SUMF1: variants seen among roughly 807,000 people sequenced by gnomAD.
SUMF1 encodes the protein sulfatase modifying factor 1, also known as formylglycine-generating enzyme.
Under a neutral mutation model 47.6 loss-of-function variants are expected in SUMF1, and 48 were observed. The ratio of observed to expected loss-of-function variants is 1.01; its 90% CI spans 0.80 to 1.28. The LOEUF (loss-of-function observed/expected upper bound fraction) is 1.28, where lower values mean the gene tolerates loss of function less well. Among genes scored for constraint, SUMF1 ranks in the 50% most tolerant of loss-of-function variants. The pLI, the probability that SUMF1 is intolerant of heterozygous loss-of-function variation, is 0.00. For synonymous variants in SUMF1, 230 were observed against 192.1 expected (o/e 1.20, Z -1.63); for missense variants, 571 against 485.4 (o/e 1.18, Z -1.66).
chr3:4,036,790 C>G (rs922939763), intron 9 of SUMF1, among the ~76,000 whole-genome samples: 3 of 123,382 alleles, frequency 2.4e-5, no homozygotes, highest in African/African-American at 6.3e-5. Flanking sequence ...AATTTTAAAA[C>G]AAGACAGCAA....
intron 8 of SUMF1, among the ~76,000 whole-genome samples, chr3:4,070,911 G>A (rs1695506965): frequency 6.6e-6 from 1 of 152,110 alleles, no homozygotes; most frequent in Non-Finnish European, 1.5e-5. Context: ...GATTACAGAA[G>A]TGACCCACCG....
Position 4,216,852 on chromosome 3 carries a change from A to G in SUMF1, c.1015-148107T>C, listed in dbSNP as rs151158571. Among the ~76,000 whole-genome samples, 302 of 152,296 alleles carry G rather than the reference A, an allele frequency of 2.0e-3. 1 individual carries two copies. Among genetic ancestry groups the G allele is most frequent in the African/African-American group, 7.0e-3 (289 of 41,556 alleles). ...CCAGTTAGAATGGGGATCGTCAAAA[A>G]GTCAGGAAACAACAGATGTTGGAAA... is the stretch of plus-strand genomic sequence containing the variant. On this transcript the variant is annotated intron_variant and NMD_transcript_variant, in intron 8 of 12. Coordinates refer to the SUMF1 transcript ENST00000448413.
chr3:4,361,596 A>G lies in SUMF1; in HGVS notation c.*548T>C, dbSNP rs185598903. The G allele has an allele frequency of 1.4e-3, 220 of 160,768 alleles. No homozygotes were observed. The highest frequency in any genetic ancestry group is 8.0e-4 in the Non-Finnish European group (58 of 72,328). The allele number at this position is 160,768 out of a possible 1,614,324, so 10.0% of individuals were successfully genotyped here. On this transcript the variant is annotated 3_prime_UTR_variant, in exon 9 of 9. Coordinates refer to ENST00000272902, the MANE Select transcript of SUMF1 (RefSeq NM_182760.4). ...CACACCCCTCTTCCGAAAATAATAC[A>G]TAAGAGAACTCTTACTTTACATGAT...
At chr3:4,408,792 G>A (rs1045279589) in intron 7 of SUMF1, among the ~76,000 whole-genome samples, 4 of 151,946 alleles carry the variant, frequency 2.6e-5, no homozygotes, top group African/African-American at 7.3e-5. Context: ...CCAAAATGGC[G>A]AAACCCCGTT....
intron 8 of SUMF1, among the ~76,000 whole-genome samples, chr3:4,293,969 T>C (rs542476241): frequency 1.3e-5 from 2 of 152,342 alleles, no homozygotes; most frequent in African/African-American, 4.8e-5. Flanking sequence ...TGAGAAACTT[T>C]ATCTTCAGAG....
intron 8 of SUMF1, among the ~76,000 whole-genome samples, chr3:4,290,416 G>C (rs1286669403): frequency 6.6e-6 from 1 of 152,144 alleles, no homozygotes; most frequent in South Asian, 2.1e-4. Context: ...TATGCAAAAT[G>C]GGTATTTTAT....
At chr3:4,185,362 C>G (rs1198009952) in intron 8 of SUMF1, among the ~76,000 whole-genome samples, 1 of 152,108 alleles carries the variant, frequency 6.6e-6, no homozygotes, top group Non-Finnish European at 1.5e-5. Flanking sequence ...AGATAACAGA[C>G]TTATTTTACT....
chr3:4,117,562 T>A (rs1693451080), intron 8 of SUMF1, among the ~76,000 whole-genome samples: 1 of 151,876 alleles, frequency 6.6e-6, no homozygotes. Context: ...GGGCTTAGAG[T>A]CAGAAGGCCT....
chr3:4,318,044 C>T (rs918563379), intron 8 of SUMF1, among the ~76,000 whole-genome samples: 14 of 151,858 alleles, frequency 9.2e-5, no homozygotes, highest in African/African-American at 3.1e-4. Context: ...TTTTAGAGTG[C>T]CTAAGGTTAC....
At chr3:4,211,079 A>T (rs2125162934) in intron 8 of SUMF1, among the ~76,000 whole-genome samples, 1 of 128,008 alleles carries the variant, frequency 7.8e-6, no homozygotes, top group South Asian at 2.8e-4. Context: ...TGATTGTGTG[A>T]GTTAATACTC....
At chr3:4,410,095 G>A (rs1264752230) in intron 7 of SUMF1, among the ~76,000 whole-genome samples, 1 of 152,122 alleles carries the variant, frequency 6.6e-6, no homozygotes, top group African/African-American at 2.4e-5. Flanking sequence ...TGCTAGAGAT[G>A]GGATTTTGCA....
intron 8 of SUMF1, among the ~76,000 whole-genome samples, chr3:4,321,338 C>A (rs1222636427): frequency 2.0e-5 from 3 of 151,926 alleles, no homozygotes; most frequent in African/African-American, 7.2e-5. Context: ...GCACCCAGAT[C>A]TTGATTTTTA....
Position 4,114,556 on chromosome 3 carries a change from C to T in SUMF1, c.1015-45811G>A, listed in dbSNP as rs188607417. 7.2e-4 allele frequency among the ~76,000 whole-genome samples: 110 copies of T among 152,152 alleles called. 3 individuals carry two copies. The highest frequency in any genetic ancestry group is 2.4e-3 in the African/African-American group (101 of 41,486). ...ATTATTTGCATTTTATAATACATTA[C>T]ATTTTGTAAGTACTTTAAGTGGCCA... On this transcript the variant is annotated intron_variant and NMD_transcript_variant, in intron 8 of 12. Transcript: ENST00000448413.
At chr3:4,243,417 C>G (rs1696589640) in intron 8 of SUMF1, among the ~76,000 whole-genome samples, 1 of 152,304 alleles carries the variant, frequency 6.6e-6, no homozygotes, top group South Asian at 2.1e-4. Context: ...AAATTTCCCT[C>G]TATACACTGC....
At chr3:4,107,558 C>T (rs928766453) in intron 8 of SUMF1, among the ~76,000 whole-genome samples, 8 of 152,232 alleles carry the variant, frequency 5.3e-5, no homozygotes, top group African/African-American at 1.7e-4. Context: ...GGACTCTCTT[C>T]GTTGTAATCC....
chr3:4,260,520 AT>A (rs1435176109), intron 8 of SUMF1, among the ~76,000 whole-genome samples: 2 of 152,206 alleles, frequency 1.3e-5, no homozygotes, highest in Non-Finnish European at 2.9e-5. Context: ...TCCAGCCCTG[AT>A]TATCAGAGAT....
At chr3:4,382,257 C>T (rs1201758956) in intron 7 of SUMF1, among the ~76,000 whole-genome samples, 1 of 151,872 alleles carries the variant, frequency 6.6e-6, no homozygotes, top group Non-Finnish European at 1.5e-5. Flanking sequence ...CATACTATGC[C>T]TCCTGATATG....
intron 8 of SUMF1, among the ~76,000 whole-genome samples, chr3:4,344,988 A>C (rs1699346645): frequency 6.6e-6 from 1 of 152,136 alleles, no homozygotes; most frequent in Admixed American, 6.5e-5. Context: ...TAGAGAAAAA[A>C]AGAGTGAAAA....
chr3:4,240,478 T>C (rs1029566582), intron 8 of SUMF1, among the ~76,000 whole-genome samples: 6 of 150,124 alleles, frequency 4.0e-5, no homozygotes, highest in Admixed American at 3.3e-4. Flanking sequence ...AAACCTTTGG[T>C]ACTATTTTAT....
Sources: allele counts gnomAD v4.1 joint callset (sites outside exome capture counted in the v4.1 genomes callset), GRCh38; gene constraint gnomAD v4.1.1; transcripts MANE v1.5; gene names NCBI Gene and HGNC (gene_info 2026-07-23, HGNC 2026-07-21).